ZBTB20: variants seen among roughly 807,000 people sequenced by gnomAD.
ZBTB20 encodes zinc finger and BTB domain-containing protein 20.
In ZBTB20, 9 loss-of-function variants were observed where a neutral mutation model predicts 56.9. The ratio of observed to expected loss-of-function variants is 0.16; its 90% CI spans 0.10 to 0.28. ZBTB20 has a LOEUF of 0.28. Among genes scored for constraint, ZBTB20 ranks in the 10% least tolerant of loss-of-function variants. The probability of loss-of-function intolerance (pLI) is 1.00; values close to 1 mark genes in which losing one functional copy is unlikely to be tolerated. For missense variants in ZBTB20, 655 were observed against 1,003.0 expected (o/e 0.65, Z 4.69); for synonymous variants, 417 against 420.7 (o/e 0.99, Z 0.11).
intron 6 of ZBTB20, among the ~76,000 whole-genome samples, chr3:114,542,911 G>A (rs1175770778): frequency 1.3e-5 from 2 of 152,128 alleles, no homozygotes; most frequent in Non-Finnish European, 2.9e-5. Context: ...ACTATAATAC[G>A]ATGCAACAAA....
intron 1 of ZBTB20, among the ~76,000 whole-genome samples, chr3:115,143,743 CCTAT>C (rs537739182): frequency 3.3e-5 from 5 of 151,852 alleles, no homozygotes; most frequent in Non-Finnish European, 7.4e-5. Flanking sequence ...GAAAAAAATC[CCTAT>C]CTGTTAAAAT....
At chr3:114,737,835 A>C (rs945276804) in intron 5 of ZBTB20, among the ~76,000 whole-genome samples, 2 of 152,184 alleles carry the variant, frequency 1.3e-5, no homozygotes, top group African/African-American at 4.8e-5. Context: ...GGAAACCTAC[A>C]TTTAGTTATT....
At chr3:114,874,282 T>C (rs143308230) in intron 4 of ZBTB20, among the ~76,000 whole-genome samples, 83 of 152,312 alleles carry the variant, frequency 5.4e-4, no homozygotes, top group African/African-American at 1.9e-3. Context: ...GAAATGCTTT[T>C]TGCTCTCTGA....
chr3:115,109,599 C>T (rs371376003), intron 1 of ZBTB20, among the ~76,000 whole-genome samples: 9 of 152,086 alleles, frequency 5.9e-5, no homozygotes, highest in Non-Finnish European at 1.3e-4. Flanking sequence ...TAGTAAACGT[C>T]GGGCCTAACA....
intron 5 of ZBTB20, among the ~76,000 whole-genome samples, chr3:114,728,517 G>A (rs1578564299): frequency 6.6e-6 from 1 of 152,320 alleles, no homozygotes; most frequent in African/African-American, 2.4e-5. Context: ...GGAAGAGCTA[G>A]AACTTGAATG....
intron 8 of ZBTB20, among the ~76,000 whole-genome samples, chr3:114,384,004 G>A (rs567153994): frequency 6.6e-6 from 1 of 152,266 alleles, no homozygotes; most frequent in East Asian, 1.9e-4. Context: ...GGATTTCAGA[G>A]AGGCGAACTC....
chr3:115,098,626 A>G (rs967754027), intron 1 of ZBTB20, among the ~76,000 whole-genome samples: 1 of 152,156 alleles, frequency 6.6e-6, no homozygotes, highest in African/African-American at 2.4e-5. Context: ...AAGCAAATTG[A>G]AAGTCTCAGA....
intron 2 of ZBTB20, among the ~76,000 whole-genome samples, chr3:115,037,314 T>C (rs867042304): frequency 6.6e-6 from 1 of 152,048 alleles, no homozygotes; most frequent in Non-Finnish European, 1.5e-5. Context: ...AAACAGAGTC[T>C]CACTCCGTCA....
chr3:114,603,144 T>C lies in ZBTB20; in HGVS notation c.-295+90384A>G, dbSNP rs191325101. Among the ~76,000 whole-genome samples, 213 of 152,122 alleles carry C rather than the reference T, an allele frequency of 1.4e-3. 1 individual carries two copies. Among genetic ancestry groups the C allele is most frequent in the African/African-American group, 5.0e-3 (207 of 41,562 alleles). ...CTAGCACATGGCCTTCTCACAGATA[T>C]AAGCAAACAAATAAATAAAGAGCAA... is the stretch of plus-strand genomic sequence containing the variant. On this transcript the variant is annotated intron_variant, in intron 6 of 11. Transcript: ENST00000675478.
At chr3:115,020,746 T>C (rs1216994198) in intron 2 of ZBTB20, among the ~76,000 whole-genome samples, 2 of 150,990 alleles carry the variant, frequency 1.3e-5, no homozygotes. Flanking sequence ...ATATACTCTA[T>C]ACACACACAC....
intron 1 of ZBTB20, among the ~76,000 whole-genome samples, chr3:115,120,876 G>A (rs1044718440): frequency 6.6e-6 from 1 of 151,982 alleles, no homozygotes; most frequent in African/African-American, 2.4e-5. Flanking sequence ...TAAAGTCTTT[G>A]ATTCAGACCC....
Position 114,335,292 on chromosome 3 carries a change from A to G in ZBTB20, c.*3713T>C, listed in dbSNP as rs1242576575. 6.6e-6 allele frequency: 1 copy of G among 152,202 alleles called. No homozygotes were observed. The highest frequency in any genetic ancestry group is 1.9e-4 in the East Asian group (1 of 5,204). 9.4% of individuals were successfully genotyped at this position (152,202 alleles called of 1,614,324 possible). A position where few individuals can be genotyped will look rare whatever the true frequency, so the allele number is the denominator to read the frequency against. On this transcript the variant is annotated 3_prime_UTR_variant, in exon 12 of 12. Transcript: ENST00000675478. Reference sequence around the variant, plus strand: ...ATCTATCTGTTTCCTGGCTACTAGAAAGAAATTTTTTTAGCACTCATATCA... The same window carrying G: ...ATCTATCTGTTTCCTGGCTACTAGAGAGAAATTTTTTTAGCACTCATATCA...
intron 2 of ZBTB20, among the ~76,000 whole-genome samples, chr3:115,040,754 A>T (rs2081109189): frequency 6.6e-6 from 1 of 152,158 alleles, no homozygotes; most frequent in Non-Finnish European, 1.5e-5. Flanking sequence ...ATTTTAGACA[A>T]TATATGTGCA....
intron 7 of ZBTB20, among the ~76,000 whole-genome samples, chr3:114,472,063 G>C (rs935718480): frequency 6.6e-6 from 1 of 152,168 alleles, no homozygotes; most frequent in Admixed American, 6.5e-5. Context: ...TGAAAAGACA[G>C]TTCAGGGCTA....
chr3:115,034,359 CCT>C (rs2080828241), intron 2 of ZBTB20, among the ~76,000 whole-genome samples: 1 of 150,980 alleles, frequency 6.6e-6, no homozygotes, highest in African/African-American at 2.4e-5. Context: ...AAAAAAAAAC[CCT>C]GTTAGAACTA....
chr3:114,945,165 G>C (rs16823410), intron 3 of ZBTB20, among the ~76,000 whole-genome samples: 3,627 of 144,740 alleles, frequency 0.025, 273 homozygotes, highest in East Asian at 0.17. Context: ...AAATACCAAC[G>C]TAGAATTCTC....
chr3:115,019,981 T>G (rs1295578555), intron 2 of ZBTB20, among the ~76,000 whole-genome samples: 1 of 151,184 alleles, frequency 6.6e-6, no homozygotes, highest in Non-Finnish European at 1.5e-5. Flanking sequence ...TGCAGAACAG[T>G]CCAGCTAACA....
intron 3 of ZBTB20, among the ~76,000 whole-genome samples, chr3:114,921,070 A>G (rs1279280558): frequency 6.6e-6 from 1 of 152,198 alleles, no homozygotes; most frequent in Non-Finnish European, 1.5e-5. Context: ...ATAGCAAGTA[A>G]GGAGATTGAA....
intron 6 of ZBTB20, among the ~76,000 whole-genome samples, chr3:114,673,816 C>T (rs1477308270): frequency 3.3e-5 from 5 of 152,118 alleles, no homozygotes; most frequent in East Asian, 3.9e-4. Context: ...AGTTGAAATA[C>T]GTTCATAATG....
Sources: gnomAD v4.1 joint callset for allele counts (sites outside exome capture counted in the v4.1 genomes callset) on GRCh38, gnomAD v4.1.1 for gene constraint, MANE v1.5 for transcripts, NCBI Gene and HGNC (gene_info 2026-07-23, HGNC 2026-07-21) for gene names.